SLC25A37: variants seen among roughly 807,000 people sequenced by gnomAD.
SLC25A37 encodes the protein solute carrier family 25 member 37, also known as mitoferrin-1.
SLC25A37 carries 17 observed loss-of-function variants against 31.0 expected under a neutral mutation model. That is an observed-to-expected ratio of 0.55 (90% CI 0.38 to 0.82). The LOEUF (loss-of-function observed/expected upper bound fraction) is 0.82. SLC25A37 is among the 40% of genes least tolerant of loss of function. The probability of loss-of-function intolerance (pLI) is 0.00; values close to 1 mark genes in which losing one functional copy is unlikely to be tolerated. For missense variants in SLC25A37, 404 were observed against 465.8 expected, an observed-to-expected ratio of 0.87 and a Z score of 1.22; for synonymous variants, 222 against 193.0, an observed-to-expected ratio of 1.15 and a Z score of -1.24.
At chr8:23,532,301 C>A (rs757452632) in intron 1 of SLC25A37, among the ~76,000 whole-genome samples, 15 of 152,156 alleles carry the variant, frequency 9.9e-5, no homozygotes, top group African/African-American at 3.4e-4. Context: ...CAAAGTGATA[C>A]CCAGGGAGGG....
rs780301605 is a variant in SLC25A37, at chr8:23,571,660, C to A, written c.822C>A (p.Asn274Lys). 2 of 1,613,956 alleles carry A rather than the reference C, an allele frequency of 1.2e-6. No individual in the cohort carries two copies. Among genetic ancestry groups the A allele is most frequent in the Admixed American group, 3.3e-5 (2 of 60,030 alleles). Residue 274 changes from asparagine (N) to lysine (K), a missense_variant, in exon 4 of 4, where the codon AAC becomes AAA. By Grantham distance (94) the Asn-to-Lys change is moderately conservative. This residue lies in a region of SLC25A37 where 243 missense variants were observed against 284.4 expected (regional missense o/e 0.85). Coordinates refer to ENST00000519973, the MANE Select transcript of SLC25A37 (RefSeq NM_016612.4). ...TQENVALSLANISGRLSGMAN... is the reference protein window; with the variant it reads ...TQENVALSLAKISGRLSGMAN... ...AGAACGTGGCCCTCTCGCTGGCCAACATCAGCGGCCGGCTGTCGGGTATGG... is the reference window on the plus strand; with the variant it reads ...AGAACGTGGCCCTCTCGCTGGCCAAAATCAGCGGCCGGCTGTCGGGTATGG...
chr8:23,543,986 G>A (rs1052473071), intron 1 of SLC25A37, among the ~76,000 whole-genome samples: 16 of 151,784 alleles, frequency 1.1e-4, no homozygotes, highest in African/African-American at 3.6e-4. Context: ...TCAGCCTCCC[G>A]AGTAGATGGG....
intron 1 of SLC25A37, among the ~76,000 whole-genome samples, chr8:23,530,061 C>T (rs1001720632): frequency 6.6e-6 from 1 of 152,170 alleles, no homozygotes; most frequent in Non-Finnish European, 1.5e-5. Flanking sequence ...GAGACCTGCC[C>T]TCTGTCAGCC....
rs1585179552 is a variant in SLC25A37, at chr8:23,543,830, C to G, written c.210+14618C>G. On this transcript the variant is annotated intron_variant, in intron 1 of 3. Coordinates refer to ENST00000519973, the MANE Select transcript of SLC25A37 (RefSeq NM_016612.4). ...GGATTACAGGCGTGAGCCACTGCGC[C>G]CAGCAAAAAACGATGTGGTATTTTC... 5.0e-5 allele frequency among the ~76,000 whole-genome samples: 6 copies of G among 120,048 alleles called. No homozygotes were observed. In the Admixed American group the frequency reaches 5.3e-4, roughly 11 times the overall value. The allele number at this position is 120,048 out of a possible 152,430, so 78.8% of individuals were successfully genotyped here. A position where few individuals can be genotyped will look rare whatever the true frequency, so the allele number is the denominator to read the frequency against.
chr8:23,530,210 G>A (rs547323744), intron 1 of SLC25A37, among the ~76,000 whole-genome samples: 9 of 152,308 alleles, frequency 5.9e-5, no homozygotes, highest in East Asian at 3.9e-4. Flanking sequence ...AGAAACTGAG[G>A]CGCAGAGAGG....
Position 23,529,344 on chromosome 8 carries a change from G to C in SLC25A37, c.210+132G>C. The C allele has an allele frequency of 1.2e-6, 1 of 815,952 alleles. No homozygotes were observed. Among genetic ancestry groups the C allele is most frequent in the Non-Finnish European group, 1.8e-6 (1 of 571,312 alleles). 50.5% of individuals were successfully genotyped at this position (815,952 alleles called of 1,614,324 possible). A position where few individuals can be genotyped will look rare whatever the true frequency, so the allele number is the denominator to read the frequency against. Reference sequence around the variant, plus strand: ...TCTCCCCAGGACCGCGGCTGGCCGGGGTCGCCCCAGGAGCAGCTGCGCGCA... The same window carrying C: ...TCTCCCCAGGACCGCGGCTGGCCGGCGTCGCCCCAGGAGCAGCTGCGCGCA... On this transcript the variant is annotated intron_variant, in intron 1 of 3. Transcript: ENST00000519973. This position sits in a 1 kb window ranked among gnomAD's most constrained non-coding sequence, Gnocchi z 4.1.
At chr8:23,541,157 G>A (rs182541855) in intron 1 of SLC25A37, among the ~76,000 whole-genome samples, 76 of 152,138 alleles carry the variant, frequency 5.0e-4, no homozygotes, top group African/African-American at 1.7e-3. Flanking sequence ...TGCTCATTTC[G>A]TGGTAATGTA....
At chr8:23,548,782 T>C (rs1201683726) in intron 1 of SLC25A37, among the ~76,000 whole-genome samples, 2 of 152,168 alleles carry the variant, frequency 1.3e-5, no homozygotes, top group African/African-American at 4.8e-5. Context: ...AGGCAAGAGA[T>C]GAGGACCATA....
intron 1 of SLC25A37, among the ~76,000 whole-genome samples, chr8:23,551,141 G>A (rs1443838667): frequency 2.6e-5 from 4 of 152,254 alleles, no homozygotes; most frequent in African/African-American, 9.6e-5. Context: ...CTCTGAGCAG[G>A]TGAGTGAACT....
chr8:23,562,921 G>A (rs1384508479), intron 1 of SLC25A37, among the ~76,000 whole-genome samples: 1 of 152,188 alleles, frequency 6.6e-6, no homozygotes, highest in Non-Finnish European at 1.5e-5. Context: ...GAAGAAGGCA[G>A]GTGACACGTG....
chr8:23,530,380 G>GGTCCT (rs1016657974), intron 1 of SLC25A37, among the ~76,000 whole-genome samples: 2 of 152,212 alleles, frequency 1.3e-5, no homozygotes, highest in African/African-American at 4.8e-5. Context: ...TGCTGATGCT[G>GGTCCT]GTCCTGCATG....
At chr8:23,569,301 A>G (rs564024485) in intron 3 of SLC25A37, among the ~76,000 whole-genome samples, 13 of 152,254 alleles carry the variant, frequency 8.5e-5, no homozygotes, top group Non-Finnish European at 1.3e-4. Flanking sequence ...CAGGCTTTAC[A>G]CCGAACCTAC....
At chr8:23,540,009 C>T (rs1224651871) in intron 1 of SLC25A37, among the ~76,000 whole-genome samples, 5 of 152,218 alleles carry the variant, frequency 3.3e-5, no homozygotes, top group Non-Finnish European at 1.5e-5. Context: ...AATATCAGCT[C>T]CTCTTGTTAT....
rs748023977 is a variant in SLC25A37 at position 23,529,020 on chromosome 8, G to C, written c.18G>C (p.Gly6=). The C allele has an allele frequency of 1.8e-4, 283 of 1,536,682 alleles. No individual in the cohort carries two copies. The highest frequency in any genetic ancestry group is 2.3e-4 in the Non-Finnish European group (259 of 1,142,256). Reference sequence around the variant, plus strand: ...GCTGGCGGATGGAGCTGCGCAGCGGGAGCGTGGGCAGCCAGGCGGTGGCGC... The same window carrying C: ...GCTGGCGGATGGAGCTGCGCAGCGGCAGCGTGGGCAGCCAGGCGGTGGCGC... MELRS[G]SVGSQAVARR... is the part of the protein sequence containing the mutation. Residue 6 remains glycine (G), a synonymous_variant, in exon 1 of 4, where the codon GGG becomes GGC. Transcript: ENST00000519973. The surrounding 1 kb of genome is among the most constrained non-coding windows in gnomAD (Gnocchi z 4.1).
rs1461672817 is a variant in SLC25A37 at position 23,574,064 on chromosome 8, T to C, written c.*2209T>C. The C allele has an allele frequency of 2.0e-5, 7 of 344,098 alleles. No homozygotes were observed. Among genetic ancestry groups the C allele is most frequent in the East Asian group, 7.6e-5 (1 of 13,168 alleles). 21.3% of individuals were successfully genotyped at this position (344,098 alleles called of 1,614,324 possible). On this transcript the variant is annotated 3_prime_UTR_variant, in exon 4 of 4. Coordinates refer to ENST00000519973, the MANE Select transcript of SLC25A37 (RefSeq NM_016612.4). ...CACCCCTTTTGGTCCACTTAAGATA[T>C]GCCACGCTGAAGCAAGGTATTTCCT... is the stretch of plus-strand genomic sequence containing the variant.
Position 23,571,597 on chromosome 8 carries a change from C to T in SLC25A37, c.759C>T (p.Thr253=), listed in dbSNP as rs759162331. 1 of 1,613,874 alleles carries T rather than the reference C, an allele frequency of 6.2e-7. No homozygotes were observed. The highest frequency in any genetic ancestry group is 2.2e-5 in the East Asian group (1 of 44,876). ...LAGALAAAAT[T]PLDVCKTLLN... The stretch of plus-strand genomic sequence containing the variant: ...GGGCCCTCGCCGCGGCCGCCACGAC[C>T]CCCCTGGACGTCTGTAAGACCCTTC... The change falls in exon 4 of 4, where the codon ACC becomes ACT. Residue 253 remains threonine (T), a synonymous_variant. Coordinates refer to ENST00000519973, the MANE Select transcript of SLC25A37 (RefSeq NM_016612.4).
chr8:23,565,310 A>G (rs551163001), intron 1 of SLC25A37, among the ~76,000 whole-genome samples: 1 of 152,164 alleles, frequency 6.6e-6, no homozygotes, highest in Non-Finnish European at 1.5e-5. Flanking sequence ...ATTAACCATC[A>G]CACCTGTGCA....
intron 2 of SLC25A37, 144 bp downstream of exon 2, chr8:23,566,480 A>G: frequency 6.9e-7 from 1 of 1,440,314 alleles, no homozygotes; most frequent in Non-Finnish European, 9.0e-7. Context: ...TGTGCAATGC[A>G]CACCCAGACA....
At chr8:23,564,682 T>C (rs1184217981) in intron 1 of SLC25A37, among the ~76,000 whole-genome samples, 2 of 152,158 alleles carry the variant, frequency 1.3e-5, no homozygotes, top group Non-Finnish European at 2.9e-5. Flanking sequence ...ATGTGTAAAG[T>C]CTACTTGGGT....
Sources: gnomAD v4.1 joint callset for allele counts (sites outside exome capture counted in the v4.1 genomes callset) on GRCh38, gnomAD v4.1.1 for gene constraint, gnomAD v4.1.1 regional missense constraint, Gnocchi (gnomAD v3.1) non-coding constraint, MANE v1.5 for transcripts, NCBI Gene and HGNC (gene_info 2026-07-23, HGNC 2026-07-21) for gene names.